The following GPSM2 variants were observed in gnomAD, a reference collection of about 807,000 sequenced individuals.
GPSM2 encodes G protein signaling modulator 2.
GPSM2 carries 58 observed loss-of-function variants against 78.4 expected under a neutral mutation model. The observed-to-expected ratio is 0.74, with a 90% confidence interval of 0.60 to 0.92. GPSM2 has a LOEUF of 0.92. Ranked by LOEUF, GPSM2 falls within the 40% of genes least tolerant of loss-of-function variation. The probability of loss-of-function intolerance (pLI) is 0.00; values close to 1 mark genes in which losing one functional copy is unlikely to be tolerated. For synonymous variants in GPSM2, 224 were observed against 280.2 expected (o/e 0.80, Z 2.00); for missense variants, 700 against 815.5 (o/e 0.86, Z 1.73).
intron 14 of GPSM2, chr1:108,924,469 T>G: frequency 7.9e-6 from 4 of 506,408 alleles, no homozygotes; most frequent in Admixed American, 3.2e-5. Flanking sequence ...AGAGAGAGTA[T>G]ATGTGTGTTG....
At chr1:108,890,695 G>A (rs1647904755) in intron 2 of GPSM2, among the ~76,000 whole-genome samples, 1 of 152,116 alleles carries the variant, frequency 6.6e-6, no homozygotes, top group Non-Finnish European at 1.5e-5. Context: ...TATCCATCTG[G>A]TTCTTCCATT....
chr1:108,928,043 GAAC>G (rs976289468), intron 14 of GPSM2, among the ~76,000 whole-genome samples: 6 of 152,086 alleles, frequency 3.9e-5, no homozygotes, highest in East Asian at 1.9e-4. Context: ...AGTGAGCAGG[GAAC>G]AACAACAACA....
chr1:108,897,865 T>C (rs1648492323), intron 4 of GPSM2, 94 bp from the exon 5 acceptor site: 3 of 1,339,020 alleles, frequency 2.2e-6, no homozygotes. Flanking sequence ...AAAAATTTTT[T>C]TCCCTTGTCC....
intron 11 of GPSM2, among the ~76,000 whole-genome samples, chr1:108,916,995 T>C (rs981667094): frequency 3.9e-5 from 6 of 152,234 alleles, no homozygotes; most frequent in African/African-American, 1.4e-4. Flanking sequence ...ACTTTAGAAT[T>C]CTTGGTTAGA....
chr1:108,928,988 C>T (rs1489101360), intron 14 of GPSM2, among the ~76,000 whole-genome samples: 46 of 104,536 alleles, frequency 4.4e-4, no homozygotes, highest in Admixed American at 8.4e-4. Flanking sequence ...GAATCCGTCT[C>T]AAAAAAAAAA....
At chr1:108,921,021 T>C (rs1247441409) in intron 12 of GPSM2, among the ~76,000 whole-genome samples, 1 of 152,154 alleles carries the variant, frequency 6.6e-6, no homozygotes, top group Non-Finnish European at 1.5e-5. Context: ...GTTTTCCTTA[T>C]CCCAGTTAAA....
intron 2 of GPSM2, among the ~76,000 whole-genome samples, chr1:108,891,434 C>T (rs1647960293): frequency 6.6e-6 from 1 of 152,138 alleles, no homozygotes. Context: ...TTAAGCAAGT[C>T]ATTTAACCTG....
chr1:108,879,790 G>C (rs556698174), intron 1 of GPSM2, among the ~76,000 whole-genome samples: 2 of 152,264 alleles, frequency 1.3e-5, no homozygotes, highest in South Asian at 4.1e-4. Context: ...ACTCCAGCCC[G>C]GGTGACAGAT....
rs193006588 is a variant in GPSM2 at position 108,883,135 on chromosome 1, A to T, written c.-248-2140A>T. Among the ~76,000 whole-genome samples, 4 of 152,360 alleles carry T rather than the reference A, an allele frequency of 2.6e-5. No homozygotes were observed. The East Asian group carries it at 7.7e-4, about 29-fold the overall frequency. On this transcript the variant is annotated intron_variant, in intron 1 of 14. Coordinates refer to ENST00000264126, the MANE Select transcript of GPSM2 (RefSeq NM_013296.5). ...GTTGGCCAAGGGAAGAGATAAGAGG[A>T]GTACTATTTTGTGTTTCTTGCAGGC...
rs199964596 is a variant in GPSM2, at chr1:108,922,534, TCAA to T, written c.1566_1568del (p.Thr523del). 7.2e-4 allele frequency: 1,147 copies of T among 1,589,560 alleles called. 9 individuals carry two copies. In the East Asian group the frequency reaches 0.021, roughly 30 times the overall value. On this transcript the variant is annotated inframe_deletion, in exon 13 of 15. Transcript: ENST00000264126. ...ACAAGAAAAGAACTGCCATACAGCT[TCAA>T]CAACAACTTCTTCCACTCCCCCTAA... is the stretch of plus-strand genomic sequence containing the variant.
chr1:108,896,589 A>G (rs1648384242), intron 2 of GPSM2, among the ~76,000 whole-genome samples: 1 of 152,212 alleles, frequency 6.6e-6, no homozygotes, highest in African/African-American at 2.4e-5. Context: ...TTTCACTAGT[A>G]ACGTGGATTG....
At chr1:108,896,781 T>A (rs1006621707) in intron 2 of GPSM2, 83 bp from the exon 3 acceptor site, 1 of 1,076,086 alleles carries the variant, frequency 9.3e-7, no homozygotes, top group African/African-American at 1.5e-5. Context: ...GAGTAGCCGC[T>A]TAAATTATAT....
At chr1:108,906,207 T>A (rs567534486) in intron 10 of GPSM2, among the ~76,000 whole-genome samples, 40 of 152,140 alleles carry the variant, frequency 2.6e-4, no homozygotes, top group South Asian at 2.1e-3. Flanking sequence ...AAACTAGGGG[T>A]CATACTTGTT....
chr1:108,921,214 G>A (rs1207481224), intron 12 of GPSM2, among the ~76,000 whole-genome samples: 1 of 152,170 alleles, frequency 6.6e-6, no homozygotes, highest in Non-Finnish European at 1.5e-5. Flanking sequence ...GAGGTCAGGA[G>A]TTTGAGACCA....
At chr1:108,879,890 C>A (rs1248457464) in intron 1 of GPSM2, among the ~76,000 whole-genome samples, 1 of 152,176 alleles carries the variant, frequency 6.6e-6, no homozygotes, top group African/African-American at 2.4e-5. Context: ...TGTTACTGTT[C>A]TACCTTCTCA....
intron 14 of GPSM2, chr1:108,924,492 A>C: frequency 2.2e-6 from 1 of 457,930 alleles, no homozygotes; most frequent in Non-Finnish European, 4.0e-6. Flanking sequence ...TTAGGTAATT[A>C]TGCTTGCTAT....
intron 8 of GPSM2, 96 bp from the exon 9 acceptor site, chr1:108,903,030 C>T: frequency 1.3e-6 from 1 of 743,082 alleles, no homozygotes; most frequent in Admixed American, 2.0e-5. Flanking sequence ...CAATCCAAAG[C>T]ATTCTTTATC....
At chr1:108,908,243 C>T (rs1275997846) in intron 10 of GPSM2, among the ~76,000 whole-genome samples, 2 of 151,854 alleles carry the variant, frequency 1.3e-5, no homozygotes, top group Admixed American at 6.6e-5. Context: ...TGGTGGCAGG[C>T]GCCTGTAGTC....
intron 14 of GPSM2, among the ~76,000 whole-genome samples, chr1:108,925,656 A>G (rs1298201683): frequency 6.6e-6 from 1 of 152,152 alleles, no homozygotes; most frequent in Admixed American, 6.6e-5. Context: ...ATTTGATAAC[A>G]TGGAGATTAT....
Sources: allele counts gnomAD v4.1 joint callset (sites outside exome capture counted in the v4.1 genomes callset), GRCh38; gene constraint gnomAD v4.1.1; transcripts MANE v1.5; gene names NCBI Gene and HGNC (gene_info 2026-07-23, HGNC 2026-07-21).